The following MYO7A variants were observed in gnomAD, a reference collection of about 807,000 sequenced individuals.
The protein encoded by MYO7A is myosin VIIA, also known as unconventional myosin-VIIa.
In MYO7A, 210 loss-of-function variants were observed where a neutral mutation model predicts 263.8. The ratio of observed to expected loss-of-function variants is 0.80; its 90% CI spans 0.71 to 0.89. The LOEUF (loss-of-function observed/expected upper bound fraction) is 0.89. Ranked by LOEUF, MYO7A falls within the 40% of genes least tolerant of loss-of-function variation. The pLI, the probability that MYO7A is intolerant of heterozygous loss-of-function variation, is 0.00. For missense variants in MYO7A, 2,820 were observed against 2,968.3 expected, an observed-to-expected ratio of 0.95 and a Z score of 1.16; for synonymous variants, 1,239 against 1,197.3, an observed-to-expected ratio of 1.03 and a Z score of -0.72.
chr11:77,177,412 GCCAGCTGGGAGCTCATGGGGC>G, intron 18 of MYO7A, 116 bp from the exon 19 acceptor site: 1 of 695,116 alleles, frequency 1.4e-6, no homozygotes, highest in Non-Finnish European at 2.5e-6. Context: ...AGGGGCCAGA[GCCAGCTGGGAGCTCATGGGGC>G]CCAACTGAGT....
At chr11:77,152,687 A>C (rs1315117255) in intron 4 of MYO7A, among the ~76,000 whole-genome samples, 1 of 151,834 alleles carries the variant, frequency 6.6e-6, no homozygotes, top group African/African-American at 2.4e-5. Flanking sequence ...AGCATCTCTT[A>C]TGTGCCGTGC....
In MYO7A at chr11:77,192,207, A is replaced by G. The variant is rs749585323; in HGVS notation, c.4081A>G (p.Asn1361Asp). ...GCCCTGGCACAGCCCCTCCGAGGACAACGTGGCCACCAACCTCATCTACCA... is the reference window on the plus strand; with the variant it reads ...GCCCTGGCACAGCCCCTCCGAGGACGACGTGGCCACCAACCTCATCTACCA... ...FTPWHSPSED[N>D]VATNLIYQQV... The change falls in exon 31 of 49, where the codon AAC becomes GAC. Residue 1361 changes from asparagine (N) to aspartate (D), a missense_variant. Physicochemically the swap from Asn to Asp is conservative, Grantham distance 23. Coordinates refer to ENST00000409709, the MANE Select transcript of MYO7A (RefSeq NM_000260.4). The G allele has an allele frequency of 6.2e-7, 1 of 1,614,050 alleles. No individual in the cohort carries two copies.
intron 4 of MYO7A, among the ~76,000 whole-genome samples, chr11:77,151,399 G>A (rs935912063): frequency 6.6e-6 from 1 of 152,212 alleles, no homozygotes; most frequent in Admixed American, 6.5e-5. Context: ...CTTTGTGGCT[G>A]TAGGAAGACT....
At chr11:77,161,241 C>T (rs1555068634) in intron 12 of MYO7A, 126 bp downstream of exon 12, 1 of 1,174,634 alleles carries the variant, frequency 8.5e-7, no homozygotes. Flanking sequence ...GTTCCGTCAT[C>T]ACGGTGGACC....
At chr11:77,163,951 C>T (rs1286610305) in intron 14 of MYO7A, among the ~76,000 whole-genome samples, 1 of 152,228 alleles carries the variant, frequency 6.6e-6, no homozygotes, top group African/African-American at 2.4e-5. Context: ...CTTGTTTGCA[C>T]ATTTAGGGAA....
Position 77,207,386 on chromosome 11 carries a change from T to G in MYO7A, c.5840T>G (p.Val1947Gly). The G allele has an allele frequency of 6.2e-7, 1 of 1,608,522 alleles. No homozygotes were observed. Among genetic ancestry groups the G allele is most frequent in the Non-Finnish European group, 8.5e-7 (1 of 1,177,404 alleles). The change falls in exon 42 of 49, where the codon GTC becomes GGC. Residue 1947 changes from valine (V) to glycine (G), a missense_variant. Val to Gly is a moderately radical substitution (Grantham distance 109). Transcript: ENST00000409709. ...LKSSEGFSLF[V>G]KIADKVLSVP... ...TCCTCAGAGGGATTCAGCCTCTTTG[T>G]CAAAATTGCAGACAAGGTGGGTCCT...
chr11:77,183,127 T>C lies in MYO7A; in HGVS notation c.3345T>C (p.Thr1115=). 1.3e-6 allele frequency: 2 copies of C among 1,552,316 alleles called. No individual in the cohort carries two copies. Among genetic ancestry groups the C allele is most frequent in the Non-Finnish European group, 1.7e-6 (2 of 1,147,750 alleles). The part of the protein sequence containing the change: ...SSVRHKLVHL[T]LKKKSKLTEE... ...TGAGGCACAAGCTGGTGCATTTGACTCTGAAAAAGAAGTCCAAGCTCACAG... is the reference window on the plus strand; with the variant it reads ...TGAGGCACAAGCTGGTGCATTTGACCCTGAAAAAGAAGTCCAAGCTCACAG... Residue 1115 remains threonine (T), a synonymous_variant, in exon 26 of 49, where the codon ACT becomes ACC. Transcript: ENST00000409709.
At position 77,190,767 on chromosome 11, in the gene MYO7A, C is replaced by G; in HGVS notation, c.3821C>G (p.Thr1274Arg). 1 of 1,599,340 alleles carries G rather than the reference C, an allele frequency of 6.3e-7. No individual in the cohort carries two copies. The highest frequency in any genetic ancestry group is 8.5e-7 in the Non-Finnish European group (1 of 1,173,328). ...FMDGTTKTLL[T>R]DSATTAKELC... ...GATGGGACCACCAAGACCCTGCTGACGGACTCGGCAACCACGGCCAAGGAG... is the reference window on the plus strand; with the variant it reads ...GATGGGACCACCAAGACCCTGCTGAGGGACTCGGCAACCACGGCCAAGGAG... The change falls in exon 30 of 49, where the codon ACG becomes AGG. Residue 1274 changes from threonine (T) to arginine (R), a missense_variant. Thr to Arg is a moderately conservative substitution (Grantham distance 71). Transcript: ENST00000409709.
intron 13 of MYO7A, 63 bp downstream of exon 13, chr11:77,162,393 G>A (rs914486479): frequency 6.8e-7 from 1 of 1,477,698 alleles, no homozygotes; most frequent in East Asian, 2.5e-5. Context: ...TCCCTGCTTT[G>A]AGCCCCGGCT....
intron 2 of MYO7A, chr11:77,139,555 C>G (rs1253549111): frequency 1.3e-5 from 2 of 151,346 alleles, no homozygotes; most frequent in Admixed American, 1.3e-4. Context: ...GGGCCAGATG[C>G]AGTGGTGGGG....
At chr11:77,148,754 T>TAACCAAAAA (rs1951760461) in intron 4 of MYO7A, among the ~76,000 whole-genome samples, 1 of 152,214 alleles carries the variant, frequency 6.6e-6, no homozygotes, top group African/African-American at 2.4e-5. Context: ...GTAACCATAA[T>TAACCAAAAA]AAATCTATTA....
intron 28 of MYO7A, 143 bp downstream of exon 28, chr11:77,189,613 C>A (rs1955888102): frequency 1.6e-6 from 2 of 1,252,308 alleles, no homozygotes; most frequent in Non-Finnish European, 2.2e-6. Flanking sequence ...ATCTTCCTGG[C>A]ACCCCCTCCT....
intron 2 of MYO7A, among the ~76,000 whole-genome samples, chr11:77,134,096 A>C (rs1046795377): frequency 3.2e-4 from 49 of 151,830 alleles, no homozygotes; most frequent in Admixed American, 2.0e-4. Flanking sequence ...TACCTGGCTA[A>C]TTTTTTTTAT....
chr11:77,191,948 G>T, intron 30 of MYO7A, 103 bp from the exon 31 acceptor site: 1 of 1,036,024 alleles, frequency 9.7e-7, no homozygotes, highest in Admixed American at 2.3e-5. Context: ...CCTGCCCCTC[G>T]CTGGGCCTCC....
intron 27 of MYO7A, among the ~76,000 whole-genome samples, chr11:77,185,840 C>T (rs1555088126): frequency 6.6e-6 from 1 of 151,842 alleles, no homozygotes; most frequent in African/African-American, 2.4e-5. Flanking sequence ...ACTTGAAAGC[C>T]AAAATTACTC....
At chr11:77,156,164 C>A (rs1482774389) in intron 5 of MYO7A, 73 bp downstream of exon 5, 2 of 1,522,294 alleles carry the variant, frequency 1.3e-6, no homozygotes, top group Non-Finnish European at 1.8e-6. Context: ...CCTGCTGATA[C>A]CTCTAGGAAT....
rs759965692 is a variant in MYO7A, at chr11:77,208,531, G to C, written c.5944+14G>C. On this transcript the variant is annotated intron_variant, in intron 43 of 48. Transcript: ENST00000409709. ...CCATCAAGGACGGTAATGAGGCCGGGTCCTGGGATCATCTGAGGCCCAGAG... is the reference window on the plus strand; with the variant it reads ...CCATCAAGGACGGTAATGAGGCCGGCTCCTGGGATCATCTGAGGCCCAGAG... 1 of 1,608,098 alleles carries C rather than the reference G, an allele frequency of 6.2e-7. No homozygotes were observed. The highest frequency in any genetic ancestry group is 8.5e-7 in the Non-Finnish European group (1 of 1,176,490).
At chr11:77,171,504 A>G (rs782035323) in intron 15 of MYO7A, among the ~76,000 whole-genome samples, 2 of 152,194 alleles carry the variant, frequency 1.3e-5, no homozygotes, top group Non-Finnish European at 2.9e-5. Context: ...TGCAGATTTC[A>G]GAATCGCAGG....
Position 77,205,499 on chromosome 11 carries a change from T to C in MYO7A, c.5518T>C (p.Cys1840Arg). 2.5e-6 allele frequency: 4 copies of C among 1,594,400 alleles called. No homozygotes were observed. The highest frequency in any genetic ancestry group is 3.4e-6 in the Non-Finnish European group (4 of 1,171,218). The change falls in exon 40 of 49, where the codon TGC becomes CGC. Residue 1840 changes from cysteine to arginine, a missense_variant. Physicochemically the swap from Cys to Arg is radical, Grantham distance 180. Transcript: ENST00000409709. ...GCGGGGTTGGGAGCTGCTCTGGCTGTGCACGGGCCTTTTCCCACCCAGCAA... is the reference window on the plus strand; with the variant it reads ...GCGGGGTTGGGAGCTGCTCTGGCTGCGCACGGGCCTTTTCCCACCCAGCAA... Reference protein sequence around the residue: ...EERGWELLWLCTGLFPPSNIL... With the variant: ...EERGWELLWLRTGLFPPSNIL...
Sources: gnomAD v4.1 joint callset for allele counts (sites outside exome capture counted in the v4.1 genomes callset) on GRCh38, gnomAD v4.1.1 for gene constraint, MANE v1.5 for transcripts, NCBI Gene and HGNC (gene_info 2026-07-23, HGNC 2026-07-21) for gene names.